The following GATAD1 variants were observed in gnomAD, a reference collection of about 807,000 sequenced individuals.
GATAD1 encodes the protein GATA zinc finger domain-containing protein 1.
GATAD1 carries 12 observed loss-of-function variants against 26.5 expected under a neutral mutation model. That is an observed-to-expected ratio of 0.45 (90% CI 0.29 to 0.73). The LOEUF (loss-of-function observed/expected upper bound fraction) is 0.73. Ranked by LOEUF, GATAD1 falls within the 30% of genes least tolerant of loss-of-function variation. The pLI, the probability that GATAD1 is intolerant of heterozygous loss-of-function variation, is 0.10. For synonymous variants in GATAD1, 129 were observed against 133.1 expected (o/e 0.97, Z 0.21); for missense variants, 266 against 342.1 (o/e 0.78, Z 1.75).
At chr7:92,453,121 A>T (rs1789510288) in intron 3 of GATAD1, among the ~76,000 whole-genome samples, 2 of 151,274 alleles carry the variant, frequency 1.3e-5, no homozygotes, top group South Asian at 2.1e-4. Context: ...CCAGGAAAAA[A>T]CTCCTGGCCT....
At chr7:92,455,082 G>A (rs1022139569) in intron 4 of GATAD1, among the ~76,000 whole-genome samples, 6 of 151,584 alleles carry the variant, frequency 4.0e-5, no homozygotes, top group Non-Finnish European at 7.4e-5. Flanking sequence ...TGGGGATTAG[G>A]GCTTCAACAT....
At chr7:92,463,826 G>T (rs906158908), downstream of GATAD1, among the ~76,000 whole-genome samples, 1 of 151,940 alleles carries the variant, frequency 6.6e-6, no homozygotes, top group Non-Finnish European at 1.5e-5. Context: ...AAAATTAGTC[G>T]AGTGTGGTGG....
the GATAD1 span, among the ~76,000 whole-genome samples, chr7:92,475,915 T>G: frequency 6.6e-6 from 1 of 152,234 alleles, no homozygotes; most frequent in African/African-American, 2.4e-5. Flanking sequence ...GTAAGTACTT[T>G]AAGGCTTGGC....
chr7:92,449,012 TC>T, intron 2 of GATAD1, 135 bp downstream of exon 2: 1 of 1,091,794 alleles, frequency 9.2e-7, no homozygotes, highest in Non-Finnish European at 1.3e-6. Context: ...TGGTCCAGAT[TC>T]CCCAAAAGGG....
chr7:92,450,879 T>G (rs763180745), intron 3 of GATAD1, 119 bp downstream of exon 3: 33 of 624,114 alleles, frequency 5.3e-5, no homozygotes, highest in South Asian at 3.2e-4. Context: ...GTGATTATAC[T>G]TTTTGTTCCC....
chr7:92,475,459 T>G, the GATAD1 span, among the ~76,000 whole-genome samples: 3 of 152,194 alleles, frequency 2.0e-5, no homozygotes, highest in African/African-American at 4.8e-5. Context: ...CTCACTGATG[T>G]TGCAGTCCTG....
chr7:92,495,461 A>G, the GATAD1 span, among the ~76,000 whole-genome samples: 2 of 152,304 alleles, frequency 1.3e-5, no homozygotes, highest in South Asian at 4.1e-4. Context: ...TGATTTGTGT[A>G]AAGACTTCTT....
the GATAD1 span, among the ~76,000 whole-genome samples, chr7:92,484,952 A>G: frequency 6.7e-6 from 1 of 149,834 alleles, no homozygotes; most frequent in Non-Finnish European, 1.5e-5. Context: ...GAGTCAGCGA[A>G]GGGAGATAGG....
chr7:92,461,034 T>C (rs1469493141), downstream of GATAD1, among the ~76,000 whole-genome samples: 1 of 152,184 alleles, frequency 6.6e-6, no homozygotes, highest in Non-Finnish European at 1.5e-5. Flanking sequence ...ATAGTAGTTC[T>C]TAAACCCTTG....
chr7:92,494,057 T>G, the GATAD1 span: 1 of 482,194 alleles, frequency 2.1e-6, no homozygotes, highest in Non-Finnish European at 3.8e-6. Flanking sequence ...TTGCATTTTT[T>G]TTTCCCCAAT....
At chr7:92,473,237 C>T in the GATAD1 span, 5 of 152,162 alleles carry the variant, frequency 3.3e-5, no homozygotes. Context: ...GAACAACAGC[C>T]TCATTGATAA....
At chr7:92,448,925 A>G (rs1789297029) in intron 2 of GATAD1, 48 bp downstream of exon 2, 2 of 1,565,152 alleles carry the variant, frequency 1.3e-6, no homozygotes, top group South Asian at 1.1e-5. Context: ...CGTTGTGTGT[A>G]TCCTGCCACT....
At chr7:92,476,066 G>A in the GATAD1 span, among the ~76,000 whole-genome samples, 2 of 152,068 alleles carry the variant, frequency 1.3e-5, no homozygotes, top group Non-Finnish European at 2.9e-5. Context: ...ACCATCTATC[G>A]TCCTGTCCTG....
At chr7:92,469,802 A>C in the GATAD1 span, 2 of 767,028 alleles carry the variant, frequency 2.6e-6, no homozygotes, top group Non-Finnish European at 4.8e-6. Context: ...TATGGCCTGA[A>C]GTTCAGGGGG....
In GATAD1 at chr7:92,457,755, C is replaced by T. The variant is rs544094535; in HGVS notation, c.*1193C>T. On this transcript the variant is annotated 3_prime_UTR_variant, in exon 5 of 5. Coordinates refer to ENST00000287957, the MANE Select transcript of GATAD1 (RefSeq NM_021167.5). ...TAAAGCCACACAAGCCTTATGTTCT[C>T]ATCTCAAAAATGCTGTGACAGCTTT... 8 of 152,340 alleles carry T rather than the reference C, an allele frequency of 5.3e-5. No individual in the cohort carries two copies. In the East Asian group the frequency reaches 1.5e-3, roughly 29 times the overall value. 9.4% of individuals were successfully genotyped at this position (152,340 alleles called of 1,614,324 possible). A position where few individuals can be genotyped will look rare whatever the true frequency, so the allele number is the denominator to read the frequency against.
At chr7:92,483,227 A>G in the GATAD1 span, among the ~76,000 whole-genome samples, 1 of 152,140 alleles carries the variant, frequency 6.6e-6, no homozygotes, top group Non-Finnish European at 1.5e-5. Context: ...TCCTTGGCCC[A>G]ATGGTCAGAT....
In GATAD1 at chr7:92,457,318, GC is replaced by G. The variant is rs1789722405; in HGVS notation, c.*758del. 1 of 152,128 alleles carries G rather than the reference GC, an allele frequency of 6.6e-6. No homozygotes were observed. Among genetic ancestry groups the G allele is most frequent in the African/African-American group, 2.4e-5 (1 of 41,362 alleles). The allele number at this position is 152,128 out of a possible 1,614,324, so 9.4% of individuals were successfully genotyped here. On this transcript the variant is annotated 3_prime_UTR_variant, in exon 5 of 5. Coordinates refer to ENST00000287957, the MANE Select transcript of GATAD1 (RefSeq NM_021167.5). ...GTCTCTACTAAAAATACAAAAATTA[GC>G]CAGGTGTGGTGGCGCACACCTGTAG... is the stretch of plus-strand genomic sequence containing the variant.
At chr7:92,448,704 A>G (rs1182446014) in intron 1 of GATAD1, 48 bp from the exon 2 acceptor site, 1 of 1,511,124 alleles carries the variant, frequency 6.6e-7, no homozygotes, top group South Asian at 1.1e-5. Context: ...ACCTTTATGC[A>G]CTTTTTACTT....
At chr7:92,479,381 G>T in the GATAD1 span, among the ~76,000 whole-genome samples, 1 of 152,144 alleles carries the variant, frequency 6.6e-6, no homozygotes, top group Non-Finnish European at 1.5e-5. Flanking sequence ...CTCAGTGGGG[G>T]AGGTTTTGAG....
Sources: allele counts gnomAD v4.1 joint callset (sites outside exome capture counted in the v4.1 genomes callset), GRCh38; gene constraint gnomAD v4.1.1; transcripts MANE v1.5; gene names NCBI Gene and HGNC (gene_info 2026-07-23, HGNC 2026-07-21).